The following ATP13A5 variants were observed in gnomAD, a reference collection of about 807,000 sequenced individuals.
The protein encoded by ATP13A5 is ATPase 13A5.
In ATP13A5, 149 loss-of-function variants were observed where a neutral mutation model predicts 150.2. The observed-to-expected ratio is 0.99, with a 90% confidence interval of 0.87 to 1.14. The LOEUF (loss-of-function observed/expected upper bound fraction) is 1.14, where lower values mean the gene tolerates loss of function less well. Ranked by LOEUF, ATP13A5 falls within the 50% of genes most tolerant of loss-of-function variation. The pLI, the probability that ATP13A5 is intolerant of heterozygous loss-of-function variation, is 0.00. For synonymous variants in ATP13A5, 497 were observed against 522.2 expected (o/e 0.95, Z 0.66); for missense variants, 1,383 against 1,449.3 (o/e 0.95, Z 0.74).
intron 21 of ATP13A5, among the ~76,000 whole-genome samples, chr3:193,308,020 T>C (rs1718683496): frequency 6.6e-6 from 1 of 152,216 alleles, no homozygotes; most frequent in African/African-American, 2.4e-5. Flanking sequence ...TAAGTATTGA[T>C]AAATGACAAT....
intron 9 of ATP13A5, among the ~76,000 whole-genome samples, chr3:193,339,135 A>T (rs1712014889): frequency 1.3e-5 from 2 of 150,900 alleles, no homozygotes; most frequent in Non-Finnish European, 3.0e-5. Flanking sequence ...TTTCTTCTTT[A>T]TTAGTCTTGC....
At chr3:193,282,534 C>T (rs1163381672) in intron 27 of ATP13A5, among the ~76,000 whole-genome samples, 1 of 152,060 alleles carries the variant, frequency 6.6e-6, no homozygotes, top group Non-Finnish European at 1.5e-5. Flanking sequence ...CACCACCACC[C>T]CCAGCTAATT....
At chr3:193,359,442 G>A (rs1235441117) in intron 5 of ATP13A5, among the ~76,000 whole-genome samples, 1 of 151,954 alleles carries the variant, frequency 6.6e-6, no homozygotes, top group Non-Finnish European at 1.5e-5. Context: ...CTGATGTTCT[G>A]TGTTCTCATG....
chr3:193,311,801 T>C lies in ATP13A5; in HGVS notation c.2445+15A>G. 1 of 1,613,216 alleles carries C rather than the reference T, an allele frequency of 6.2e-7. No individual in the cohort carries two copies. The highest frequency in any genetic ancestry group is 8.5e-7 in the Non-Finnish European group (1 of 1,179,520). ...TTGAGGAGCAAAACAAAACACTTCTTTCTTCAGTACTTACTTTTGGAAGCA... is the reference window on the plus strand; with the variant it reads ...TTGAGGAGCAAAACAAAACACTTCTCTCTTCAGTACTTACTTTTGGAAGCA... On this transcript the variant is annotated intron_variant, in intron 20 of 29. Transcript: ENST00000342358.
intron 25 of ATP13A5, among the ~76,000 whole-genome samples, 160 bp from the exon 26 acceptor site, chr3:193,290,219 T>C (rs1239422447): frequency 1.3e-5 from 2 of 152,094 alleles, no homozygotes; most frequent in African/African-American, 4.8e-5. Context: ...TGGTGGCACA[T>C]CCAGTTCCAC....
intron 1 of ATP13A5, among the ~76,000 whole-genome samples, chr3:193,376,400 C>T (rs1458796099): frequency 2.0e-5 from 3 of 152,098 alleles, no homozygotes; most frequent in Non-Finnish European, 4.4e-5. Flanking sequence ...ATAAGAAAAA[C>T]AGGCTTTTGC....
At chr3:193,337,176 A>C (rs538395960) in intron 9 of ATP13A5, among the ~76,000 whole-genome samples, 1 of 152,140 alleles carries the variant, frequency 6.6e-6, no homozygotes, top group East Asian at 1.9e-4. Context: ...ATTTTCTCCC[A>C]TTCTCTAGGT....
chr3:193,329,881 A>T (rs917173549), intron 12 of ATP13A5, among the ~76,000 whole-genome samples: 2 of 151,962 alleles, frequency 1.3e-5, no homozygotes, highest in Non-Finnish European at 2.9e-5. Context: ...CTTCCATCCC[A>T]TCTCCCCAGT....
intron 12 of ATP13A5, among the ~76,000 whole-genome samples, chr3:193,327,283 CTAA>C (rs1560134741): frequency 6.6e-6 from 1 of 152,208 alleles, no homozygotes; most frequent in East Asian, 1.9e-4. Context: ...ATTTCAGTTA[CTAA>C]TGATGAGGAA....
At chr3:193,366,102 T>C (rs1813604) in intron 1 of ATP13A5, among the ~76,000 whole-genome samples, 143,975 of 152,136 alleles carry the variant, frequency 0.95, 68,142 homozygotes, top group Middle Eastern at 0.98. Context: ...AACCAAATGA[T>C]AGCTAATGGT....
chr3:193,372,845 A>G (rs1055763696), intron 1 of ATP13A5, among the ~76,000 whole-genome samples: 5 of 152,150 alleles, frequency 3.3e-5, no homozygotes, highest in Non-Finnish European at 7.3e-5. Context: ...CAGCCTAGAC[A>G]AATTTTTGAA....
chr3:193,286,706 C>T (rs945226959), intron 26 of ATP13A5, among the ~76,000 whole-genome samples: 3 of 152,210 alleles, frequency 2.0e-5, no homozygotes, highest in Middle Eastern at 6.8e-3. Context: ...ACAATAATAT[C>T]GAAATCTGTT....
intron 9 of ATP13A5, among the ~76,000 whole-genome samples, chr3:193,336,513 T>C (rs944883394): frequency 1.3e-5 from 2 of 152,208 alleles, no homozygotes; most frequent in African/African-American, 2.4e-5. Flanking sequence ...TTGAGATAGT[T>C]GCTGAGAATG....
chr3:193,338,208 A>G (rs1711969149), intron 9 of ATP13A5, among the ~76,000 whole-genome samples: 1 of 152,102 alleles, frequency 6.6e-6, no homozygotes, highest in South Asian at 2.1e-4. Flanking sequence ...TCTTTTTCTA[A>G]TTGAATACCC....
intron 27 of ATP13A5, among the ~76,000 whole-genome samples, chr3:193,283,992 C>T: frequency 7.6e-6 from 1 of 131,106 alleles, no homozygotes; most frequent in East Asian, 2.2e-4. Context: ...TATTCTCTGG[C>T]TTCTTTGGCC....
At position 193,364,097 on chromosome 3, in the gene ATP13A5, A is replaced by T. The variant is rs1236178772; in HGVS notation, c.237+10T>A. On this transcript the variant is annotated intron_variant, in intron 2 of 29. Transcript: ENST00000342358. ...ATGGCTTTCAAAATAGAAAACAGAA[A>T]GGCACGCACTGTTGTCCTCAGCAAA... is the stretch of plus-strand genomic sequence containing the variant. The T allele has an allele frequency of 1.2e-6, 2 of 1,611,894 alleles. No homozygotes were observed. The highest frequency in any genetic ancestry group is 3.3e-5 in the Admixed American group (2 of 59,812).
intron 24 of ATP13A5, 111 bp from the exon 25 acceptor site, chr3:193,299,314 C>G (rs1718308301): frequency 1.4e-6 from 1 of 740,192 alleles, no homozygotes; most frequent in Non-Finnish European, 2.1e-6. Flanking sequence ...TTTTTTTTCC[C>G]TCTTCAGGAA....
intron 21 of ATP13A5, among the ~76,000 whole-genome samples, chr3:193,310,173 T>A (rs1718787850): frequency 1.3e-5 from 2 of 152,190 alleles, no homozygotes; most frequent in South Asian, 4.1e-4. Context: ...TCCATTTCCA[T>A]CTGTGTTCCT....
At chr3:193,319,210 C>A in intron 16 of ATP13A5, 102 bp from the exon 17 acceptor site, 1 of 790,362 alleles carries the variant, frequency 1.3e-6, no homozygotes, top group Non-Finnish European at 2.1e-6. Context: ...ACTTTCATTC[C>A]ATAAAAGCAC....
Sources: allele counts gnomAD v4.1 joint callset (sites outside exome capture counted in the v4.1 genomes callset), GRCh38; gene constraint gnomAD v4.1.1; transcripts MANE v1.5; gene names NCBI Gene and HGNC (gene_info 2026-07-23, HGNC 2026-07-21).